RBFOX1: variants seen among roughly 807,000 people sequenced by gnomAD.
The protein encoded by RBFOX1 is RNA binding protein fox-1 homolog 1.
A neutral mutation model predicts 57.7 loss-of-function variants in RBFOX1; 8 were observed. That is an observed-to-expected ratio of 0.14 (90% CI 0.08 to 0.25). RBFOX1 has a LOEUF of 0.25. Ranked by LOEUF, RBFOX1 falls within the 10% of genes least tolerant of loss-of-function variation. RBFOX1 has a pLI of 1.00. For synonymous variants in RBFOX1, 326 were observed against 222.4 expected (o/e 1.47, Z -4.15); for missense variants, 611 against 548.5 (o/e 1.11, Z -1.14).
intron 3 of RBFOX1, among the ~76,000 whole-genome samples, chr16:6,966,726 T>G (rs1389949536): frequency 6.6e-6 from 1 of 152,048 alleles, no homozygotes; most frequent in Non-Finnish European, 1.5e-5. Context: ...TGATGAGAAG[T>G]CACTGTAACT....
intron 4 of RBFOX1, among the ~76,000 whole-genome samples, chr16:7,125,353 C>T (rs1311347579): frequency 6.6e-6 from 1 of 152,162 alleles, no homozygotes; most frequent in African/African-American, 2.4e-5. Flanking sequence ...CTTTTAGATC[C>T]TCAGCAGAGT....
At chr16:7,587,677 T>C (rs1411436125) in intron 7 of RBFOX1, among the ~76,000 whole-genome samples, 1 of 152,224 alleles carries the variant, frequency 6.6e-6, no homozygotes, top group Non-Finnish European at 1.5e-5. Flanking sequence ...TAAAGTGCAG[T>C]TATTTTCCTG....
At chr16:6,655,768 A>G (rs2098646243) in intron 3 of RBFOX1, among the ~76,000 whole-genome samples, 1 of 152,140 alleles carries the variant, frequency 6.6e-6, no homozygotes, top group East Asian at 1.9e-4. Context: ...AGTTTGAAAG[A>G]TGTTTCTCCT....
intron 1 of RBFOX1, among the ~76,000 whole-genome samples, chr16:6,077,044 T>C (rs11077001): frequency 0.032 from 4,840 of 152,232 alleles, 137 homozygotes; most frequent in African/African-American, 0.077. Flanking sequence ...GCTCGGCAAA[T>C]GTAGTTTTAT....
intron 3 of RBFOX1, among the ~76,000 whole-genome samples, chr16:5,692,561 C>A (rs1236581980): frequency 2.6e-5 from 4 of 152,142 alleles, no homozygotes; most frequent in African/African-American, 7.2e-5. Context: ...CCTAATGCAG[C>A]AAATTAGTGT....
intron 1 of RBFOX1, among the ~76,000 whole-genome samples, chr16:6,260,119 C>G (rs1280964245): frequency 4.6e-5 from 7 of 152,058 alleles, no homozygotes; most frequent in East Asian, 3.9e-4. Flanking sequence ...GCTCTTGATC[C>G]TAGATAGCCA....
chr16:6,999,212 A>ATTTTTTTTTTTTTT (rs1254312494), intron 3 of RBFOX1, among the ~76,000 whole-genome samples: 1 of 117,690 alleles, frequency 8.5e-6, no homozygotes, highest in Non-Finnish European at 1.9e-5. Flanking sequence ...TTTTATTTTT[A>ATTTTTTTTTTTTTT]TTTATTTTTT....
At chr16:5,262,139 T>C (rs1392476594) in intron 1 of RBFOX1, among the ~76,000 whole-genome samples, 1 of 152,158 alleles carries the variant, frequency 6.6e-6, no homozygotes, top group Non-Finnish European at 1.5e-5. Context: ...GAAGGCTTAG[T>C]TAAGAGGTAA....
At chr16:7,049,476 G>A (rs897213906) in intron 3 of RBFOX1, among the ~76,000 whole-genome samples, 2 of 150,100 alleles carry the variant, frequency 1.3e-5, no homozygotes, top group East Asian at 4.0e-4. Context: ...AAAAAAAAAA[G>A]AACAATGGGG....
chr16:6,167,694 T>G (rs914849193), intron 1 of RBFOX1, among the ~76,000 whole-genome samples: 15 of 152,274 alleles, frequency 9.9e-5, no homozygotes, highest in African/African-American at 3.6e-4. Context: ...CTTTTAGTTC[T>G]TAATGGAACT....
Position 5,319,796 on chromosome 16 carries a change from CCA to C in RBFOX1, c.219+79696_219+79697del, listed in dbSNP as rs146155944. On this transcript the variant is annotated intron_variant, in intron 1 of 2. Coordinates refer to the RBFOX1 transcript ENST00000585867. ...TGGTAGATGCTGGTTGGATGGCTTT[CCA>C]CACAGTCATTCAGGGATCCAGGCTC... Among the ~76,000 whole-genome samples, 285 of 152,320 alleles carry C rather than the reference CCA, an allele frequency of 1.9e-3. 9 individuals are homozygous for C. The East Asian group carries it at 0.049, about 26-fold the overall frequency.
intron 4 of RBFOX1, among the ~76,000 whole-genome samples, chr16:7,252,564 C>G (rs920590460): frequency 4.6e-5 from 7 of 152,148 alleles, no homozygotes; most frequent in Non-Finnish European, 1.0e-4. Flanking sequence ...GTCCATCATC[C>G]AATATAACAG....
At chr16:6,375,891 T>C (rs1416031324) in intron 2 of RBFOX1, among the ~76,000 whole-genome samples, 1 of 152,156 alleles carries the variant, frequency 6.6e-6, no homozygotes, top group Non-Finnish European at 1.5e-5. Flanking sequence ...CAAAGACCTA[T>C]TATCCTACAC....
chr16:6,474,884 C>G (rs140805691), intron 2 of RBFOX1, among the ~76,000 whole-genome samples: 2,336 of 152,244 alleles, frequency 0.015, 38 homozygotes, highest in South Asian at 0.054. Flanking sequence ...ATCATAACAT[C>G]AGGAAGTGAT....
chr16:7,208,369 T>C (rs1603182754), intron 4 of RBFOX1, among the ~76,000 whole-genome samples: 2 of 152,102 alleles, frequency 1.3e-5, no homozygotes, highest in Non-Finnish European at 2.9e-5. Context: ...AAGAGGGGTG[T>C]TTTGGCTTAT....
At chr16:5,800,390 G>C (rs2055018344) in intron 3 of RBFOX1, among the ~76,000 whole-genome samples, 1 of 152,170 alleles carries the variant, frequency 6.6e-6, no homozygotes, top group Admixed American at 6.5e-5. Flanking sequence ...GACATCCTGT[G>C]ACCAGGACTT....
intron 1 of RBFOX1, among the ~76,000 whole-genome samples, chr16:6,250,669 G>A (rs1197701620): frequency 6.6e-6 from 1 of 152,096 alleles, no homozygotes; most frequent in Admixed American, 6.6e-5. Context: ...TGCACCAGTC[G>A]GGGAAGCCTG....
In RBFOX1 at chr16:7,191,158, C is replaced by T. The variant is rs118160895; in HGVS notation, c.27+139060C>T. ...TCACCATCATACTTTATAGTTAGTGCTCTCTTCCAAAGGAAACCCCTTTCA... is the reference window on the plus strand; with the variant it reads ...TCACCATCATACTTTATAGTTAGTGTTCTCTTCCAAAGGAAACCCCTTTCA... On this transcript the variant is annotated intron_variant, in intron 4 of 15. Transcript: ENST00000550418. 9.5e-3 allele frequency among the ~76,000 whole-genome samples: 1,448 copies of T among 152,208 alleles called. 9 individuals carry two copies. Among genetic ancestry groups the T allele is most frequent in the Middle Eastern group, 0.021 (6 of 290 alleles).
At chr16:6,239,977 G>A (rs1249955063) in intron 1 of RBFOX1, among the ~76,000 whole-genome samples, 1 of 152,146 alleles carries the variant, frequency 6.6e-6, no homozygotes, top group Non-Finnish European at 1.5e-5. Context: ...GATCTCTCAA[G>A]GTGGGAGGTG....
Sources: gnomAD v4.1 joint callset for allele counts (sites outside exome capture counted in the v4.1 genomes callset) on GRCh38, gnomAD v4.1.1 for gene constraint, MANE v1.5 for transcripts, NCBI Gene and HGNC (gene_info 2026-07-23, HGNC 2026-07-21) for gene names.